The following LRP1B variants were observed in gnomAD, a reference collection of about 807,000 sequenced individuals.
LRP1B encodes LDL receptor related protein 1B, also known as low-density lipoprotein receptor-related protein 1B.
A neutral mutation model predicts 556.6 loss-of-function variants in LRP1B; 217 were observed. The ratio of observed to expected loss-of-function variants is 0.39; its 90% CI spans 0.35 to 0.44. The LOEUF is 0.44. Ranked by LOEUF, LRP1B falls within the 20% of genes least tolerant of loss-of-function variation. The pLI is 1.00. For synonymous variants in LRP1B, 2,047 were observed against 1,865.8 expected, an observed-to-expected ratio of 1.10 and a Z score of -2.50; for missense variants, 5,053 against 5,620.8, an observed-to-expected ratio of 0.90 and a Z score of 3.23.
intron 82 of LRP1B, among the ~76,000 whole-genome samples, chr2:140,318,086 G>A (rs553797689): frequency 2.6e-5 from 4 of 152,004 alleles, no homozygotes; most frequent in Admixed American, 6.6e-5. Flanking sequence ...AAATGTTCAG[G>A]GTGCTCATCA....
At position 141,078,650 on chromosome 2, in the gene LRP1B, C is replaced by T. The variant is rs56950302; in HGVS notation, c.1014-16377G>A. Among the ~76,000 whole-genome samples the T allele has an allele frequency of 3.9e-3, 601 of 152,168 alleles. 4 individuals carry two copies. The highest frequency in any genetic ancestry group is 0.014 in the African/African-American group (581 of 41,518). ...GAAAGAGAAAGAGAAATGAAGCAAG[C>T]ATGAAGAAAGAAGTGTTCTCCTTCT... On this transcript the variant is annotated intron_variant, in intron 7 of 90. Transcript: ENST00000389484.
chr2:141,422,878 A>G lies in LRP1B; in HGVS notation c.343+57518T>C, dbSNP rs571400094. Among the ~76,000 whole-genome samples the G allele has an allele frequency of 8.5e-5, 13 of 152,322 alleles. No homozygotes were observed. The South Asian group carries it at 2.5e-3, about 29-fold the overall frequency. ...AGATTCAGGTGGAAGCATTCCCCCA[A>G]TTCCTCAACATCAAGGCTTAATAGT... On this transcript the variant is annotated intron_variant, in intron 3 of 90. Transcript: ENST00000389484.
chr2:140,578,547 T>C (rs532274846), intron 43 of LRP1B, among the ~76,000 whole-genome samples: 1 of 152,348 alleles, frequency 6.6e-6, no homozygotes, highest in African/African-American at 2.4e-5. Flanking sequence ...CTGCCTAGAA[T>C]GCCATTCCCC....
rs539132355 is a variant in LRP1B at position 140,763,988 on chromosome 2, A to G, written c.5758+5225T>C. 8.5e-5 allele frequency among the ~76,000 whole-genome samples: 13 copies of G among 152,274 alleles called. No individual in the cohort carries two copies. The East Asian group carries it at 2.5e-3, about 29-fold the overall frequency. Reference sequence around the variant, plus strand: ...TAAAATTCACTTTGTAGCCAAGAAAATGGTTTTCATAAAATCGAAAAAATG... The same window carrying G: ...TAAAATTCACTTTGTAGCCAAGAAAGTGGTTTTCATAAAATCGAAAAAATG... On this transcript the variant is annotated intron_variant, in intron 35 of 90. Coordinates refer to ENST00000389484, the MANE Select transcript of LRP1B (RefSeq NM_018557.3).
intron 84 of LRP1B, among the ~76,000 whole-genome samples, chr2:140,275,540 A>T (rs1156487082): frequency 6.6e-6 from 1 of 151,936 alleles, no homozygotes; most frequent in African/African-American, 2.4e-5. Flanking sequence ...GTGTTGTGGA[A>T]AGAAGCTTCC....
intron 32 of LRP1B, among the ~76,000 whole-genome samples, chr2:140,782,217 G>A (rs923009764): frequency 6.6e-6 from 1 of 152,166 alleles, no homozygotes; most frequent in East Asian, 1.9e-4. Context: ...CTACTTCATG[G>A]TTAGGGGCTA....
intron 1 of LRP1B, among the ~76,000 whole-genome samples, chr2:142,115,326 TCAAAGGG>T (rs1418736528): frequency 6.7e-6 from 1 of 148,550 alleles, no homozygotes; most frequent in Non-Finnish European, 1.5e-5. Flanking sequence ...TGAAGATATG[TCAAAGGG>T]TAGAGGAGGC....
chr2:141,879,760 A>G (rs1373133120), intron 1 of LRP1B, among the ~76,000 whole-genome samples: 1 of 151,938 alleles, frequency 6.6e-6, no homozygotes, highest in Non-Finnish European at 1.5e-5. Context: ...CTTGCCAATC[A>G]TGTTGTTTAG....
At chr2:141,236,357 T>C (rs1158049020) in intron 5 of LRP1B, among the ~76,000 whole-genome samples, 1 of 152,050 alleles carries the variant, frequency 6.6e-6, no homozygotes, top group Non-Finnish European at 1.5e-5. Context: ...AAGCCAGTCA[T>C]AGAAAGACAA....
At chr2:141,351,828 C>T (rs909180495) in intron 3 of LRP1B, among the ~76,000 whole-genome samples, 4 of 151,616 alleles carry the variant, frequency 2.6e-5, no homozygotes, top group African/African-American at 9.7e-5. Context: ...GAAACTCAGG[C>T]CAAATGACTT....
At chr2:140,282,412 T>C (rs1558768989) in intron 84 of LRP1B, among the ~76,000 whole-genome samples, 1 of 151,688 alleles carries the variant, frequency 6.6e-6, no homozygotes, top group African/African-American at 2.4e-5. Context: ...AAACAAGAGG[T>C]AGAACAGAAC....
At position 141,969,038 on chromosome 2, in the gene LRP1B, T is replaced by C. The variant is rs569632800; in HGVS notation, c.83-158637A>G. 1.4e-3 allele frequency among the ~76,000 whole-genome samples: 212 copies of C among 151,702 alleles called. 6 individuals are homozygous for C. The South Asian group carries it at 0.039, about 28-fold the overall frequency. ...TCATGCATTCAATCTAAAGTTTGCC[T>C]ATATTATAGCCTACAATCCCTATCC... On this transcript the variant is annotated intron_variant, in intron 1 of 90. Coordinates refer to ENST00000389484, the MANE Select transcript of LRP1B (RefSeq NM_018557.3).
intron 35 of LRP1B, among the ~76,000 whole-genome samples, chr2:140,748,255 G>T (rs1322230474): frequency 8.7e-6 from 1 of 114,420 alleles, no homozygotes. Flanking sequence ...ATTCATATAT[G>T]TATATATTTT....
intron 23 of LRP1B, among the ~76,000 whole-genome samples, chr2:140,888,042 T>G (rs1693691209): frequency 6.6e-6 from 1 of 152,140 alleles, no homozygotes; most frequent in South Asian, 2.1e-4. Flanking sequence ...TCAATACATC[T>G]GTTATTTAAA....
chr2:141,886,019 G>T (rs1334673775), intron 1 of LRP1B, among the ~76,000 whole-genome samples: 1 of 152,148 alleles, frequency 6.6e-6, no homozygotes, highest in Non-Finnish European at 1.5e-5. Context: ...CAGGAGAAGA[G>T]AAAGAGACTG....
chr2:141,143,976 G>A (rs1701719485), intron 7 of LRP1B, among the ~76,000 whole-genome samples: 1 of 152,036 alleles, frequency 6.6e-6, no homozygotes, highest in South Asian at 2.1e-4. Context: ...CTGACTTAAT[G>A]CCATGAGGGA....
At chr2:140,320,886 T>TACAC (rs59640913) in intron 82 of LRP1B, among the ~76,000 whole-genome samples, 7 of 150,898 alleles carry the variant, frequency 4.6e-5, no homozygotes, top group African/African-American at 1.7e-4. Flanking sequence ...CTACTAAAAA[T>TACAC]ACACACACAC....
chr2:141,721,931 T>A (rs763022736), intron 2 of LRP1B, among the ~76,000 whole-genome samples: 1 of 152,160 alleles, frequency 6.6e-6, no homozygotes, highest in African/African-American at 2.4e-5. Flanking sequence ...CAGACCCTAG[T>A]AGGTTAAAAC....
At chr2:141,840,178 T>G (rs1392956276) in intron 1 of LRP1B, among the ~76,000 whole-genome samples, 1 of 151,944 alleles carries the variant, frequency 6.6e-6, no homozygotes, top group Admixed American at 6.6e-5. Flanking sequence ...TATACCAATT[T>G]GTATAATTGA....
Sources: allele counts gnomAD v4.1 joint callset (sites outside exome capture counted in the v4.1 genomes callset), GRCh38; gene constraint gnomAD v4.1.1; transcripts MANE v1.5; gene names NCBI Gene and HGNC (gene_info 2026-07-23, HGNC 2026-07-21).